Variants in COL21A1 observed in about 807,000 individuals in gnomAD.
COL21A1 encodes the protein collagen alpha-1(XXI) chain.
A neutral mutation model predicts 137.9 loss-of-function variants in COL21A1; 149 were observed. The ratio of observed to expected loss-of-function variants is 1.08; its 90% CI spans 0.95 to 1.24. The LOEUF is 1.24. Ranked by LOEUF, COL21A1 falls within the 50% of genes most tolerant of loss-of-function variation. The pLI, the probability that COL21A1 is intolerant of heterozygous loss-of-function variation, is 0.00. For synonymous variants in COL21A1, 456 were observed against 391.5 expected, an observed-to-expected ratio of 1.16 and a Z score of -1.95; for missense variants, 1,167 against 1,158.4, an observed-to-expected ratio of 1.01 and a Z score of -0.11.
chr6:56,120,851 C>T (rs1042674285), intron 16 of COL21A1, among the ~76,000 whole-genome samples: 3 of 151,412 alleles, frequency 2.0e-5, no homozygotes. Flanking sequence ...TCCAGCAATC[C>T]CACTGCTGGG....
intron 1 of COL21A1, among the ~76,000 whole-genome samples, chr6:56,243,741 G>A (rs1032589961): frequency 1.3e-5 from 2 of 152,132 alleles, no homozygotes; most frequent in Non-Finnish European, 2.9e-5. Flanking sequence ...TATGTAACTT[G>A]TCCAAGTTTA....
chr6:56,326,672 T>A (rs1456803350), intron 1 of COL21A1, among the ~76,000 whole-genome samples: 1 of 152,076 alleles, frequency 6.6e-6, no homozygotes, highest in African/African-American at 2.4e-5. Context: ...AAACAACTTT[T>A]GGAATTCTTC....
chr6:56,075,641 C>T (rs922201262), intron 18 of COL21A1, 109 bp from the exon 19 acceptor site: 5 of 756,796 alleles, frequency 6.6e-6, no homozygotes, highest in African/African-American at 3.7e-5. Context: ...AATCAGTTCA[C>T]CTTTTTCTGC....
intron 1 of COL21A1, among the ~76,000 whole-genome samples, chr6:56,191,449 G>A (rs1166140614): frequency 4.6e-5 from 7 of 151,570 alleles, no homozygotes; most frequent in East Asian, 3.9e-4. Flanking sequence ...AAAAAAAGTC[G>A]GGTGTGGTGG....
At chr6:56,254,741 A>AT (rs1257092670) in intron 1 of COL21A1, among the ~76,000 whole-genome samples, 2 of 152,306 alleles carry the variant, frequency 1.3e-5, no homozygotes, top group Non-Finnish European at 2.9e-5. Flanking sequence ...TCATATTTTT[A>AT]TTACTCCAGC....
At chr6:56,261,861 T>C (rs1201267912) in intron 1 of COL21A1, among the ~76,000 whole-genome samples, 1 of 152,182 alleles carries the variant, frequency 6.6e-6, no homozygotes, top group Non-Finnish European at 1.5e-5. Flanking sequence ...CTGCCATTCA[T>C]GTGGAAGATG....
chr6:56,139,445 T>A (rs768818104), intron 12 of COL21A1, among the ~76,000 whole-genome samples: 3 of 152,040 alleles, frequency 2.0e-5, no homozygotes, highest in Non-Finnish European at 2.9e-5. Flanking sequence ...CTGTAACTGC[T>A]TTAAGCCCCC....
chr6:56,358,349 AC>A (rs1349240158), intron 1 of COL21A1, among the ~76,000 whole-genome samples: 3 of 152,058 alleles, frequency 2.0e-5, no homozygotes, highest in African/African-American at 7.2e-5. Context: ...TAAAAAAAAA[AC>A]CCCAAACCAA....
chr6:56,303,905 C>T (rs1347585250), intron 1 of COL21A1, among the ~76,000 whole-genome samples: 2 of 152,102 alleles, frequency 1.3e-5, no homozygotes, highest in African/African-American at 4.8e-5. Context: ...AGATATGTCC[C>T]ATCAATACCT....
intron 1 of COL21A1, among the ~76,000 whole-genome samples, chr6:56,277,869 A>C (rs1264195542): frequency 2.0e-4 from 31 of 152,220 alleles, no homozygotes; most frequent in Admixed American, 2.0e-3. Context: ...ATTTCTGACA[A>C]AGGAACAGTA....
chr6:56,374,928 C>T (rs1244091365), intron 1 of COL21A1, among the ~76,000 whole-genome samples: 1 of 151,968 alleles, frequency 6.6e-6, no homozygotes, highest in African/African-American at 2.4e-5. Context: ...GATGATTCTC[C>T]AGGTGGAAAT....
chr6:56,279,425 G>T (rs1369063153), intron 1 of COL21A1, among the ~76,000 whole-genome samples: 1 of 152,168 alleles, frequency 6.6e-6, no homozygotes. Flanking sequence ...TGGCTGCTAG[G>T]CATCTTTGCC....
chr6:56,314,315 CA>C lies in COL21A1; in HGVS notation c.-39+79655del, dbSNP rs201987418. Among the ~76,000 whole-genome samples the C allele has an allele frequency of 1.0e-2, 1,517 of 152,234 alleles. 10 individuals carry two copies. Among genetic ancestry groups the C allele is most frequent in the Middle Eastern group, 0.024 (7 of 292 alleles). ...ATCCTTTTAAATTGTATTATTTTCC[CA>C]ACAAAGAAAGGGTATATATCTTCTC... On this transcript the variant is annotated intron_variant, in intron 1 of 28. Transcript: ENST00000370819.
chr6:56,333,762 T>C (rs1018103297), intron 1 of COL21A1, among the ~76,000 whole-genome samples: 13 of 152,128 alleles, frequency 8.5e-5, no homozygotes, highest in Non-Finnish European at 1.5e-4. Flanking sequence ...GGTTCCTCCA[T>C]ACCCTTGCCA....
intron 17 of COL21A1, among the ~76,000 whole-genome samples, chr6:56,097,912 T>C (rs867764267): frequency 8.1e-5 from 3 of 37,176 alleles, no homozygotes; most frequent in Non-Finnish European, 1.7e-4. Context: ...AATATATAAA[T>C]ATATATAAAT....
chr6:56,156,945 T>C lies in COL21A1; in HGVS notation c.1376A>G (p.Asp459Gly). 1.2e-6 allele frequency: 2 copies of C among 1,610,674 alleles called. No homozygotes were observed. The highest frequency in any genetic ancestry group is 1.7e-6 in the Non-Finnish European group (2 of 1,178,522). Residue 459 changes from aspartate (D) to glycine (G), a missense_variant, in exon 10 of 30, where the codon GAC (aspartate) becomes GGC (glycine). Physicochemically the swap from Asp to Gly is moderately conservative, Grantham distance 94. Transcript: ENST00000244728. ...GKPGLQGPKG[D>G]PGLPGNPGYP... The stretch of plus-strand genomic sequence containing the variant: ...GCCAGGGTTCCCAGGCAGTCCAGGG[T>C]CACCCTAAGCAGGAAGCAAACAAAC...
At chr6:56,220,564 A>C (rs900156540) in intron 1 of COL21A1, among the ~76,000 whole-genome samples, 5 of 152,170 alleles carry the variant, frequency 3.3e-5, no homozygotes, top group African/African-American at 1.2e-4. Context: ...TGTATAACTA[A>C]GAAAGATGGA....
At chr6:56,348,964 A>T (rs144161559) in intron 1 of COL21A1, among the ~76,000 whole-genome samples, 1 of 152,346 alleles carries the variant, frequency 6.6e-6, no homozygotes, top group East Asian at 1.9e-4. Flanking sequence ...GTGAAAGTTT[A>T]GACAGGTTAA....
At chr6:56,324,546 G>A (rs7775403) in intron 1 of COL21A1, among the ~76,000 whole-genome samples, 149,859 of 152,010 alleles carry the variant, frequency 0.99, 73,901 homozygotes, top group Middle Eastern at 1. Flanking sequence ...TCCATTCACC[G>A]ACCCGAATAT....
Sources: allele counts gnomAD v4.1 joint callset (sites outside exome capture counted in the v4.1 genomes callset), GRCh38; gene constraint gnomAD v4.1.1; transcripts MANE v1.5; gene names NCBI Gene and HGNC (gene_info 2026-07-23, HGNC 2026-07-21).